TECPR2: variants seen among roughly 807,000 people sequenced by gnomAD.
TECPR2 encodes the protein tectonin beta-propeller repeat containing 2.
In TECPR2, 65 loss-of-function variants were observed where a neutral mutation model predicts 138.1. The ratio of observed to expected loss-of-function variants is 0.47; its 90% CI spans 0.39 to 0.58. The LOEUF (loss-of-function observed/expected upper bound fraction) is 0.58, where lower values mean the gene tolerates loss of function less well. Among genes scored for constraint, TECPR2 ranks in the 20% least tolerant of loss-of-function variants. The pLI is 0.00. For synonymous variants in TECPR2, 746 were observed against 749.8 expected, an observed-to-expected ratio of 0.99 and a Z score of 0.08; for missense variants, 1,553 against 1,824.5, an observed-to-expected ratio of 0.85 and a Z score of 2.71.
At position 102,502,332 on chromosome 14, in the gene TECPR2, G is replaced by A. The variant is rs1595155495; in HGVS notation, c.*4075G>A. On this transcript the variant is annotated 3_prime_UTR_variant, in exon 20 of 20. Transcript: ENST00000359520. ...TCATAACTCCGGGGAGGAGCAAGAG[G>A]GGTGAAAAGAAACAAGTTCTCTACT... is the stretch of plus-strand genomic sequence containing the variant. The A allele has an allele frequency of 6.6e-6, 1 of 152,640 alleles. No homozygotes were observed. Among genetic ancestry groups the A allele is most frequent in the African/African-American group, 2.4e-5 (1 of 41,450 alleles). 9.5% of individuals were successfully genotyped at this position (152,640 alleles called of 1,614,324 possible). A position where few individuals can be genotyped will look rare whatever the true frequency, so the allele number is the denominator to read the frequency against.
intron 17 of TECPR2, among the ~76,000 whole-genome samples, chr14:102,474,037 C>T (rs1026261756): frequency 6.6e-6 from 1 of 152,288 alleles, no homozygotes; most frequent in Admixed American, 6.5e-5. Flanking sequence ...GTGGGAGGAT[C>T]ACTTGAACCC....
At chr14:102,363,315 G>A (rs1043390926) in intron 1 of TECPR2, among the ~76,000 whole-genome samples, 199 bp downstream of exon 1, 1 of 152,184 alleles carries the variant, frequency 6.6e-6, no homozygotes, top group African/African-American at 2.4e-5. Flanking sequence ...AACACACGGA[G>A]CGCCTGGCTC....
At chr14:102,437,444 G>A (rs1859098671) in intron 9 of TECPR2, among the ~76,000 whole-genome samples, 1 of 152,168 alleles carries the variant, frequency 6.6e-6, no homozygotes, top group Admixed American at 6.5e-5. Flanking sequence ...GTACTCAGGA[G>A]CCTGAGGCAG....
At chr14:102,457,263 T>G (rs1354937384) in intron 16 of TECPR2, among the ~76,000 whole-genome samples, 4 of 152,094 alleles carry the variant, frequency 2.6e-5, no homozygotes, top group Non-Finnish European at 4.4e-5. Flanking sequence ...GTTTGTGTTT[T>G]TAGTAGAGAC....
chr14:102,485,091 G>A (rs1399731374), intron 17 of TECPR2, among the ~76,000 whole-genome samples: 2 of 152,226 alleles, frequency 1.3e-5, no homozygotes, highest in African/African-American at 2.4e-5. Flanking sequence ...GGTGACTCTT[G>A]CACATACCCA....
chr14:102,461,665 T>C (rs1203346156), intron 16 of TECPR2, among the ~76,000 whole-genome samples: 2 of 152,230 alleles, frequency 1.3e-5, no homozygotes, highest in African/African-American at 4.8e-5. Flanking sequence ...TCCACGAAGC[T>C]GGCCCTGCAT....
At position 102,452,452 on chromosome 14, in the gene TECPR2, C is replaced by T. The variant is rs75004775; in HGVS notation, c.3465C>T (p.Ser1155=). 4.3e-6 allele frequency: 7 copies of T among 1,613,698 alleles called. No individual in the cohort carries two copies. Among genetic ancestry groups the T allele is most frequent in the South Asian group, 2.2e-5 (2 of 91,054 alleles). The change falls in exon 16 of 20, where the codon AGC becomes AGT. Residue 1155 remains serine, a synonymous_variant. Transcript: ENST00000359520. ...SKDLCSVSAQ[S]AQSRPSTVQL... ...ACCTGTGCAGCGTCAGCGCCCAGAG[C>T]GCACAGTCGCGGCCCTCCACGGTGC...
At chr14:102,382,186 A>G (rs1209906527) in intron 2 of TECPR2, among the ~76,000 whole-genome samples, 2 of 151,978 alleles carry the variant, frequency 1.3e-5, no homozygotes, top group Non-Finnish European at 2.9e-5. Flanking sequence ...CCAGCTACTC[A>G]GGAGACTGAA....
rs1313802805 is a variant in TECPR2 at position 102,499,592 on chromosome 14, C to T, written c.*1335C>T. The T allele has an allele frequency of 7.1e-6, 2 of 280,740 alleles. No individual in the cohort carries two copies. Among genetic ancestry groups the T allele is most frequent in the Non-Finnish European group, 1.4e-5 (2 of 145,414 alleles). 17.4% of individuals were successfully genotyped at this position (280,740 alleles called of 1,614,324 possible). A position where few individuals can be genotyped will look rare whatever the true frequency, so the allele number is the denominator to read the frequency against. ...GGGTTGACACTTGACAGGTTGAAAC[C>T]AGTGCCTCTATGGACGGCTGCTGTG... On this transcript the variant is annotated 3_prime_UTR_variant, in exon 20 of 20. Transcript: ENST00000359520.
intron 5 of TECPR2, among the ~76,000 whole-genome samples, chr14:102,417,511 C>T (rs538419673): frequency 6.6e-6 from 1 of 152,248 alleles, no homozygotes; most frequent in East Asian, 1.9e-4. Flanking sequence ...AGGCATGGGG[C>T]AGGAAGTTGC....
chr14:102,391,247 C>T (rs566885102), intron 2 of TECPR2, among the ~76,000 whole-genome samples: 13 of 152,088 alleles, frequency 8.5e-5, no homozygotes, highest in African/African-American at 3.1e-4. Context: ...TTAATAGAGA[C>T]GGGAGTTTCA....
rs965910163 is a variant in TECPR2, at chr14:102,415,223, C to T, written c.638+430C>T. On this transcript the variant is annotated intron_variant, in intron 5 of 19. Coordinates refer to ENST00000359520, the MANE Select transcript of TECPR2 (RefSeq NM_014844.5). This position sits in a 1 kb window ranked among gnomAD's most constrained non-coding sequence, Gnocchi z 4.3. ...AGGCTCAGCAGTGACATGGTAAACA[C>T]GGCAGATCTGAGCCCTCCGTTGTGG... Among the ~76,000 whole-genome samples the T allele has an allele frequency of 2.6e-5, 4 of 152,308 alleles. No homozygotes were observed. The highest frequency in any genetic ancestry group is 6.5e-5 in the Admixed American group (1 of 15,296).
intron 2 of TECPR2, among the ~76,000 whole-genome samples, chr14:102,401,596 GA>G (rs1438250767): frequency 1.3e-5 from 2 of 151,792 alleles, no homozygotes; most frequent in Non-Finnish European, 2.9e-5. Flanking sequence ...TGGTTAATAT[GA>G]TGGAACCCTG....
At position 102,499,295 on chromosome 14, in the gene TECPR2, G is replaced by C. The variant is rs1177527874; in HGVS notation, c.*1038G>C. 12 of 630,346 alleles carry C rather than the reference G, an allele frequency of 1.9e-5. No individual in the cohort carries two copies. The highest frequency in any genetic ancestry group is 7.2e-5 in the African/African-American group (4 of 55,542). The allele number at this position is 630,346 out of a possible 1,614,324, so 39.0% of individuals were successfully genotyped here. A position where few individuals can be genotyped will look rare whatever the true frequency, so the allele number is the denominator to read the frequency against. ...CATCCTAAAACCAGATGCATCCTCA[G>C]AGGACGAGTCTACTAATTATTGCCT... On this transcript the variant is annotated 3_prime_UTR_variant, in exon 20 of 20. Transcript: ENST00000359520.
At chr14:102,478,910 G>A (rs1048592011) in intron 17 of TECPR2, among the ~76,000 whole-genome samples, 2 of 151,706 alleles carry the variant, frequency 1.3e-5, no homozygotes, top group Non-Finnish European at 2.9e-5. Context: ...TCAGCTACTC[G>A]GGAGGCTGAG....
rs66892451 is a variant in TECPR2, at chr14:102,413,377, G to GTA, written c.481-1245_481-1244dup. Among the ~76,000 whole-genome samples, 15 of 148,144 alleles carry GTA rather than the reference G, an allele frequency of 1.0e-4. No individual in the cohort carries two copies. In the East Asian group the frequency reaches 1.2e-3, roughly 12 times the overall value. On this transcript the variant is annotated intron_variant, in intron 4 of 19. Coordinates refer to ENST00000359520, the MANE Select transcript of TECPR2 (RefSeq NM_014844.5). ...TACATATATTTCATATATATATAAT[G>GTA]TATATATATATATATTTTTTGAGAC... is the stretch of plus-strand genomic sequence containing the variant.
At chr14:102,468,648 A>C (rs1158572442) in intron 17 of TECPR2, among the ~76,000 whole-genome samples, 1 of 152,148 alleles carries the variant, frequency 6.6e-6, no homozygotes, top group Non-Finnish European at 1.5e-5. Flanking sequence ...CCAGTTTATT[A>C]ATTTTTTCTT....
intron 17 of TECPR2, among the ~76,000 whole-genome samples, chr14:102,482,603 C>G (rs1390793403): frequency 1.3e-5 from 2 of 152,138 alleles, no homozygotes; most frequent in Non-Finnish European, 2.9e-5. Flanking sequence ...CTTCCTCTCT[C>G]TGTGTCTGTG....
intron 14 of TECPR2, 53 bp from the exon 15 acceptor site, chr14:102,450,507 G>A (rs1890110052): frequency 5.1e-6 from 8 of 1,583,370 alleles, no homozygotes; most frequent in Admixed American, 1.7e-5. Context: ...ATCTGAAGTG[G>A]TTTTGTCTAT....
Sources: allele counts gnomAD v4.1 joint callset (sites outside exome capture counted in the v4.1 genomes callset), GRCh38; gene constraint gnomAD v4.1.1; non-coding constraint Gnocchi (gnomAD v3.1); transcripts MANE v1.5; gene names NCBI Gene and HGNC (gene_info 2026-07-23, HGNC 2026-07-21).